The following ITIH6 variants were observed in gnomAD, a reference collection of about 807,000 sequenced individuals.
ITIH6 encodes the protein inter-alpha-trypsin inhibitor heavy chain family member 6.
Under a neutral mutation model 58.2 loss-of-function variants are expected in ITIH6, and 60 were observed. The observed-to-expected ratio is 1.03, with a 90% CI of 0.84 to 1.28. The LOEUF is 1.28. Among genes scored for constraint, ITIH6 ranks in the 50% most tolerant of loss-of-function variants. The pLI, the probability that ITIH6 is intolerant of heterozygous loss-of-function variation, is 0.00. For synonymous variants in ITIH6, 493 were observed against 417.4 expected (o/e 1.18, Z -2.21); for missense variants, 1,290 against 1,021.1 (o/e 1.26, Z -3.59).
In ITIH6 at chrX:54,751,077, G is replaced by C; in HGVS notation, c.3656C>G (p.Thr1219Ser). 18 of 1,200,922 alleles carry C rather than the reference G, an allele frequency of 1.5e-5. No individual in the cohort carries two copies. Among genetic ancestry groups the C allele is most frequent in the Non-Finnish European group, 2.0e-5 (18 of 889,997 alleles). The change falls in exon 12 of 13, where the codon ACC becomes AGC. Residue 1219 changes from threonine to serine, a missense_variant. Coordinates refer to ENST00000218436, the MANE Select transcript of ITIH6 (RefSeq NM_198510.3). ...GAACCCCAGGTGGGGTAGTTGCAGG[G>C]TACTGGGATGCCTGTAGCGGTGTCG... ...VLRHRYRHPS[T>S]LQLPHLGFYV...
intron 6 of ITIH6, among the ~76,000 whole-genome samples, chrX:54,771,172 G>T (rs186709761): frequency 1.8e-5 from 2 of 111,567 alleles, no homozygotes; most frequent in East Asian, 5.6e-4. Context: ...AGATTGTTTA[G>T]TATTTATCCT....
At chrX:54,796,858 C>T in intron 2 of ITIH6, 84 bp downstream of exon 2, 1 of 984,971 alleles carries the variant, frequency 1.0e-6, no homozygotes, top group Admixed American at 2.3e-5. Context: ...GTCTTAATCA[C>T]TATGCTCTGC....
At chrX:54,762,580 T>C (rs780499353) in intron 6 of ITIH6, among the ~76,000 whole-genome samples, 164 of 112,173 alleles carry the variant, frequency 1.5e-3, no homozygotes, top group African/African-American at 4.9e-3. Context: ...CTTCCCTTTA[T>C]TTATTCACAT....
intron 5 of ITIH6, among the ~76,000 whole-genome samples, chrX:54,775,039 C>T (rs954336346): frequency 3.6e-5 from 4 of 112,076 alleles, no homozygotes; most frequent in African/African-American, 1.3e-4. Context: ...TACCTCTTCC[C>T]TCTGAAGAGG....
chrX:54,788,428 G>A (rs1379996776), intron 5 of ITIH6, 52 bp downstream of exon 5: 5 of 1,097,614 alleles, frequency 4.6e-6, no homozygotes, highest in Non-Finnish European at 6.3e-6. Flanking sequence ...TAATGCTCAG[G>A]CCTGTCTGAC....
chrX:54,761,791 G>A (rs1259506430), intron 6 of ITIH6, among the ~76,000 whole-genome samples: 1 of 111,407 alleles, frequency 9.0e-6, no homozygotes, highest in East Asian at 2.8e-4. Context: ...TGTTCCATTG[G>A]TCTATGTCTC....
chrX:54,754,698 C>A (rs148508711), intron 9 of ITIH6, among the ~76,000 whole-genome samples: 7,914 of 111,067 alleles, frequency 0.071, 705 homozygotes, highest in African/African-American at 0.25. Flanking sequence ...TCAGTCCCAG[C>A]AACACAAATA....
chrX:54,771,636 T>A (rs1928953706), intron 6 of ITIH6, among the ~76,000 whole-genome samples: 1 of 111,619 alleles, frequency 9.0e-6, no homozygotes, highest in Admixed American at 9.6e-5. Flanking sequence ...TAATCATGGG[T>A]TTTTAAATTC....
At chrX:54,787,432 CAGCACCT>C (rs1314005804) in intron 5 of ITIH6, 2 of 111,622 alleles carry the variant, frequency 1.8e-5, no homozygotes, top group Non-Finnish European at 3.8e-5. Flanking sequence ...CACTCAAACA[CAGCACCT>C]AGAACATTTG....
chrX:54,783,647 A>G (rs1416197931), intron 5 of ITIH6, among the ~76,000 whole-genome samples: 1 of 112,201 alleles, frequency 8.9e-6, no homozygotes. Context: ...AAACATCTCT[A>G]TAATGAAAAG....
Position 54,758,704 on chromosome X carries a change from T to C in ITIH6, c.1370A>G (p.Asp457Gly), listed in dbSNP as rs1928568146. 8.3e-7 allele frequency: 1 copy of C among 1,211,377 alleles called. No homozygotes were observed. Among genetic ancestry groups the C allele is most frequent in the African/African-American group, 1.7e-5 (1 of 57,662 alleles). Reference protein sequence around the residue: ...GIARRIYEDTDAALQLKGLYE... With the variant: ...GIARRIYEDTGAALQLKGLYE... ...GAGGCCCTTCAGCTGTAGGGCCGCATCAGTGTCCTCATATATGCGCCGGGC... is the reference window on the plus strand; with the variant it reads ...GAGGCCCTTCAGCTGTAGGGCCGCACCAGTGTCCTCATATATGCGCCGGGC... The change falls in exon 8 of 13, where the codon GAT becomes GGT. Residue 457 changes from aspartate to glycine, a missense_variant. Transcript: ENST00000218436.
chrX:54,754,407 C>A (rs1392056960), intron 9 of ITIH6, among the ~76,000 whole-genome samples: 1 of 111,967 alleles, frequency 8.9e-6, no homozygotes, highest in Non-Finnish European at 1.9e-5. Context: ...TTTCATGTGA[C>A]CCTATTGAAC....
chrX:54,797,047 G>T lies in ITIH6; in HGVS notation c.152C>A (p.Ala51Asp). The change falls in exon 2 of 13, where the codon GCC becomes GAC. Residue 51 changes from alanine (A) to aspartate (D), a missense_variant. Transcript: ENST00000218436. The part of the protein sequence containing the change: ...SMRSTVVSRY[A>D]HTLVTSVLFN... ...CAGGACAGAGGTGACCAAGGTGTGGGCATAGCGAGACACCACCGTGGAGCG... is the reference window on the plus strand; with the variant it reads ...CAGGACAGAGGTGACCAAGGTGTGGTCATAGCGAGACACCACCGTGGAGCG... 3.3e-6 allele frequency: 4 copies of T among 1,209,411 alleles called. No homozygotes were observed. Among genetic ancestry groups the T allele is most frequent in the Non-Finnish European group, 4.5e-6 (4 of 893,538 alleles).
chrX:54,795,872 A>G (rs1048828072), intron 2 of ITIH6, among the ~76,000 whole-genome samples: 1 of 110,650 alleles, frequency 9.0e-6, no homozygotes, highest in African/African-American at 3.3e-5. Context: ...CTGCTCCCCA[A>G]CCCAATGCTC....
intron 5 of ITIH6, among the ~76,000 whole-genome samples, chrX:54,775,254 G>A (rs1929030335): frequency 9.0e-6 from 1 of 111,597 alleles, no homozygotes; most frequent in Non-Finnish European, 1.9e-5. Context: ...GCCGGTGAGT[G>A]CTTCTGGGAA....
At chrX:54,761,757 G>A (rs1316607938) in intron 6 of ITIH6, among the ~76,000 whole-genome samples, 1 of 110,950 alleles carries the variant, frequency 9.0e-6, no homozygotes, top group East Asian at 2.8e-4. Context: ...TAGATGTGTG[G>A]TATTATTTCT....
At position 54,749,868 on chromosome X, in the gene ITIH6, TCTC is replaced by T; in HGVS notation, c.*24_*26del. The T allele has an allele frequency of 1.7e-6, 2 of 1,170,269 alleles. No homozygotes were observed. The highest frequency in any genetic ancestry group is 6.0e-5 in the East Asian group (2 of 33,454). ...GGTTTCTGGATCTCCCAAATTCAGG[TCTC>T]CTGGCTCTGGAATTCAGAAGCCATC... On this transcript the variant is annotated 3_prime_UTR_variant, in exon 13 of 13. Coordinates refer to ENST00000218436, the MANE Select transcript of ITIH6 (RefSeq NM_198510.3).
intron 5 of ITIH6, among the ~76,000 whole-genome samples, chrX:54,778,813 A>C (rs1010438523): frequency 8.1e-5 from 9 of 111,505 alleles, no homozygotes; most frequent in African/African-American, 2.9e-4. Context: ...GATTTTACCC[A>C]AAAAAGACTA....
rs28821542 is a variant in ITIH6, at chrX:54,767,002, A to G, written c.904-7075T>C. Among the ~76,000 whole-genome samples, 272 of 110,112 alleles carry G rather than the reference A, an allele frequency of 2.5e-3. 5 individuals are homozygous for G. Among genetic ancestry groups the G allele is most frequent in the Admixed American group, 0.023 (234 of 10,184 alleles). The stretch of plus-strand genomic sequence containing the variant: ...CTTGTACCTCTGGTAGAATTCGGCT[A>G]TGAATCCATCTGGTCCTGGACTCTT... On this transcript the variant is annotated intron_variant, in intron 6 of 12. Transcript: ENST00000218436.
Sources: allele counts gnomAD v4.1 joint callset (sites outside exome capture counted in the v4.1 genomes callset), GRCh38; gene constraint gnomAD v4.1.1; transcripts MANE v1.5; gene names NCBI Gene and HGNC (gene_info 2026-07-23, HGNC 2026-07-21).